AFF2: variants seen among roughly 807,000 people sequenced by gnomAD.
AFF2 encodes ALF transcription elongation factor 2, also known as AF4/FMR2 family member 2.
In AFF2, 14 loss-of-function variants were observed where a neutral mutation model predicts 76.9. The observed-to-expected ratio is 0.18, with a 90% CI of 0.12 to 0.28. The LOEUF (loss-of-function observed/expected upper bound fraction) is 0.28, where lower values mean the gene tolerates loss of function less well. Ranked by LOEUF, AFF2 falls within the 10% of genes least tolerant of loss-of-function variation. AFF2 has a pLI of 1.00. For missense variants in AFF2, 868 were observed against 1,001.1 expected (o/e 0.87, Z 1.79); for synonymous variants, 398 against 366.7 (o/e 1.09, Z -0.98).
chrX:148,738,386 G>A (rs1193855001), intron 3 of AFF2, among the ~76,000 whole-genome samples: 2 of 110,877 alleles, frequency 1.8e-5, no homozygotes, highest in African/African-American at 6.6e-5. Context: ...TCTCTTCTAG[G>A]TTTTCTAGTT....
intron 3 of AFF2, among the ~76,000 whole-genome samples, chrX:148,663,129 T>C (rs782674290): frequency 1.8e-5 from 2 of 112,256 alleles, no homozygotes; most frequent in South Asian, 7.4e-4. Context: ...ATGAGAAGAT[T>C]GCGAGTCACT....
intron 1 of AFF2, among the ~76,000 whole-genome samples, chrX:148,597,311 A>C (rs1239720339): frequency 9.0e-6 from 1 of 111,338 alleles, no homozygotes; most frequent in African/African-American, 3.3e-5. Context: ...CAAAAAGCCC[A>C]GTGAGCTGGA....
At chrX:148,632,624 A>G (rs1363177028) in intron 1 of AFF2, among the ~76,000 whole-genome samples, 1 of 111,990 alleles carries the variant, frequency 8.9e-6, no homozygotes, top group Non-Finnish European at 1.9e-5. Context: ...CTTGTACATG[A>G]CACCTTCTAC....
intron 1 of AFF2, among the ~76,000 whole-genome samples, chrX:148,616,426 G>T (rs1191895764): frequency 9.0e-6 from 1 of 111,606 alleles, no homozygotes; most frequent in Non-Finnish European, 1.9e-5. Context: ...ATTAACAGTT[G>T]ATGAATATTA....
intron 9 of AFF2, among the ~76,000 whole-genome samples, chrX:148,915,378 A>T (rs187986831): frequency 0.017 from 1,893 of 112,224 alleles, 18 homozygotes; most frequent in Admixed American, 0.041. Flanking sequence ...AGAGGCAGCC[A>T]TAACTAAAAG....
intron 4 of AFF2, among the ~76,000 whole-genome samples, chrX:148,820,629 T>A (rs1021191122): frequency 1.8e-5 from 2 of 111,388 alleles, no homozygotes; most frequent in African/African-American, 6.5e-5. Flanking sequence ...AAAAAGAAAC[T>A]GAAGGAAAAT....
intron 3 of AFF2, among the ~76,000 whole-genome samples, chrX:148,755,337 T>A (rs1278000228): frequency 8.9e-6 from 1 of 112,059 alleles, no homozygotes; most frequent in African/African-American, 3.2e-5. Context: ...TTTTCCAATT[T>A]GCCTTAATCA....
intron 3 of AFF2, among the ~76,000 whole-genome samples, chrX:148,786,122 T>C (rs1392716286): frequency 2.7e-5 from 3 of 112,023 alleles, no homozygotes; most frequent in African/African-American, 9.8e-5. Flanking sequence ...ATCATTACTG[T>C]CATTATTGTT....
At chrX:148,785,141 A>G (rs782186453) in intron 3 of AFF2, among the ~76,000 whole-genome samples, 1 of 112,318 alleles carries the variant, frequency 8.9e-6, no homozygotes, top group East Asian at 2.8e-4. Flanking sequence ...ATGCACATAT[A>G]CACAGAGTCA....
At chrX:148,757,161 T>G (rs2055569271) in intron 3 of AFF2, among the ~76,000 whole-genome samples, 1 of 112,588 alleles carries the variant, frequency 8.9e-6, no homozygotes, top group African/African-American at 3.2e-5. Context: ...GCTTACAAAT[T>G]ACAAATGCTT....
At chrX:148,942,319 A>G (rs1246530121) in intron 9 of AFF2, among the ~76,000 whole-genome samples, 6 of 110,366 alleles carry the variant, frequency 5.4e-5, no homozygotes, top group African/African-American at 2.0e-4. Context: ...ACAATCAGAA[A>G]TAAAACTGAC....
At chrX:148,717,944 A>T (rs1261019592) in intron 3 of AFF2, among the ~76,000 whole-genome samples, 1 of 110,807 alleles carries the variant, frequency 9.0e-6, no homozygotes, top group East Asian at 2.9e-4. Flanking sequence ...ATCACTCCAG[A>T]TACTTCCCAA....
At chrX:148,887,345 G>A (rs943980530) in intron 8 of AFF2, among the ~76,000 whole-genome samples, 1 of 111,518 alleles carries the variant, frequency 9.0e-6, no homozygotes, top group South Asian at 3.8e-4. Flanking sequence ...CATTTAATAC[G>A]CCAATAGCAG....
intron 3 of AFF2, among the ~76,000 whole-genome samples, chrX:148,721,922 T>A (rs2055098078): frequency 9.0e-6 from 1 of 111,701 alleles, no homozygotes; most frequent in Non-Finnish European, 1.9e-5. Flanking sequence ...ATTTCCCTCT[T>A]CTCATAAGGA....
chrX:148,894,234 A>G (rs1159803085), intron 8 of AFF2, among the ~76,000 whole-genome samples: 2 of 111,474 alleles, frequency 1.8e-5, no homozygotes, highest in Non-Finnish European at 3.8e-5. Flanking sequence ...GTCTTGAACA[A>G]TTTACTGGGG....
At chrX:148,573,054 C>T (rs894143697) in intron 1 of AFF2, among the ~76,000 whole-genome samples, 1 of 110,802 alleles carries the variant, frequency 9.0e-6, no homozygotes, top group Non-Finnish European at 1.9e-5. Flanking sequence ...TTATCATTGG[C>T]ATTTAGAATT....
At chrX:148,740,204 G>A (rs2055334890) in intron 3 of AFF2, among the ~76,000 whole-genome samples, 2 of 111,812 alleles carry the variant, frequency 1.8e-5, no homozygotes, top group Admixed American at 1.9e-4. Context: ...TCTCTAGCAA[G>A]GCCAGGGAAG....
chrX:148,775,848 C>T (rs926402039), intron 3 of AFF2, among the ~76,000 whole-genome samples: 1 of 84,103 alleles, frequency 1.2e-5, no homozygotes, highest in Non-Finnish European at 2.4e-5. Flanking sequence ...AATGCATCCT[C>T]TCAAGATCCT....
chrX:148,948,133 TA>T (rs1255442486), intron 9 of AFF2, among the ~76,000 whole-genome samples: 1 of 112,614 alleles, frequency 8.9e-6, no homozygotes, highest in Non-Finnish European at 1.9e-5. Context: ...GATTTACAGT[TA>T]AATTAGAATT....
Sources: gnomAD v4.1 joint callset for allele counts (sites outside exome capture counted in the v4.1 genomes callset) on GRCh38, gnomAD v4.1.1 for gene constraint, MANE v1.5 for transcripts, NCBI Gene and HGNC (gene_info 2026-07-23, HGNC 2026-07-21) for gene names.